The following GALNT17 variants were observed in gnomAD, a reference collection of about 807,000 sequenced individuals.
The protein encoded by GALNT17 is UDP-GalNAc:polypeptide N-acetylgalactosaminyltransferase-like 3.
Under a neutral mutation model 63.7 loss-of-function variants are expected in GALNT17, and 29 were observed. That is an observed-to-expected ratio of 0.46 (90% CI 0.34 to 0.62). The LOEUF (loss-of-function observed/expected upper bound fraction) is 0.62, where lower values mean the gene tolerates loss of function less well. Ranked by LOEUF, GALNT17 falls within the 20% of genes least tolerant of loss-of-function variation. The pLI is 0.01. For missense variants in GALNT17, 603 were observed against 799.6 expected, an observed-to-expected ratio of 0.75 and a Z score of 2.97; for synonymous variants, 305 against 318.3, an observed-to-expected ratio of 0.96 and a Z score of 0.45.
intron 1 of GALNT17, among the ~76,000 whole-genome samples, chr7:71,190,392 C>G (rs1309680501): frequency 1.3e-5 from 2 of 152,064 alleles, no homozygotes; most frequent in East Asian, 1.9e-4. Flanking sequence ...GCACCTCCCC[C>G]ACTGTCTCTC....
intron 5 of GALNT17, among the ~76,000 whole-genome samples, chr7:71,542,188 C>T (rs1389406381): frequency 6.6e-6 from 1 of 152,108 alleles, no homozygotes; most frequent in East Asian, 1.9e-4. Flanking sequence ...GAAGCAGCTG[C>T]AAACCTCCTT....
chr7:71,278,819 A>G (rs1030854180), intron 1 of GALNT17, among the ~76,000 whole-genome samples: 2 of 152,156 alleles, frequency 1.3e-5, no homozygotes, highest in African/African-American at 2.4e-5. Flanking sequence ...CTTGCACGAC[A>G]CATGGGAATT....
At chr7:71,282,913 T>C (rs1790803099) in intron 1 of GALNT17, among the ~76,000 whole-genome samples, 1 of 151,688 alleles carries the variant, frequency 6.6e-6, no homozygotes, top group African/African-American at 2.4e-5. Flanking sequence ...GGGTGAAGGC[T>C]CAAGAAAGGA....
chr7:71,575,451 G>A (rs547401629), intron 6 of GALNT17, among the ~76,000 whole-genome samples: 2 of 150,730 alleles, frequency 1.3e-5, no homozygotes, highest in African/African-American at 2.4e-5. Context: ...ATGCAGTGAC[G>A]CGATCTTGGC....
chr7:71,611,392 C>T (rs1192426029), intron 6 of GALNT17, among the ~76,000 whole-genome samples: 1 of 152,180 alleles, frequency 6.6e-6, no homozygotes, highest in East Asian at 1.9e-4. Context: ...AGTCATCATT[C>T]CCTCCATCCT....
rs1157638404 is a variant in GALNT17 at position 71,161,978 on chromosome 7, G to GCCCTTCCTCTTCTTTCCTTCTT, written c.238+28945_238+28966dup. Among the ~76,000 whole-genome samples the GCCCTTCCTCTTCTTTCCTTCTT allele has an allele frequency of 5.2e-3, 721 of 138,226 alleles. 9 individuals carry two copies. The highest frequency in any genetic ancestry group is 0.019 in the African/African-American group (676 of 36,472). 90.7% of individuals were successfully genotyped at this position (138,226 alleles called of 152,430 possible). ...CTTTTCTTTTTCTGTCTTCCCTTCTGCCCTTCCTCTTCTTTCCTTCTTCCC... is the reference window on the plus strand; with the variant it reads ...CTTTTCTTTTTCTGTCTTCCCTTCTGCCCTTCCTCTTCTTTCCTTCTTCCCTTCCTCTTCTTTCCTTCTTCCC... On this transcript the variant is annotated intron_variant, in intron 1 of 10. Transcript: ENST00000333538.
intron 1 of GALNT17, among the ~76,000 whole-genome samples, chr7:71,217,521 C>A (rs982919274): frequency 3.3e-5 from 5 of 151,960 alleles, no homozygotes; most frequent in African/African-American, 1.2e-4. Context: ...TTTCAAATAC[C>A]TTATATCATT....
chr7:71,605,331 T>C (rs1790029317), intron 6 of GALNT17, among the ~76,000 whole-genome samples: 1 of 152,096 alleles, frequency 6.6e-6, no homozygotes, highest in South Asian at 2.1e-4. Flanking sequence ...CTCACACCCA[T>C]AATCTCAGCA....
intron 5 of GALNT17, among the ~76,000 whole-genome samples, chr7:71,437,264 T>C (rs1425926709): frequency 6.6e-6 from 1 of 152,206 alleles, no homozygotes; most frequent in Non-Finnish European, 1.5e-5. Context: ...CTGGCTGCCT[T>C]CAGCCAAACT....
chr7:71,700,883 C>T (rs1202733091), intron 9 of GALNT17, among the ~76,000 whole-genome samples: 4 of 152,152 alleles, frequency 2.6e-5, no homozygotes, highest in African/African-American at 7.2e-5. Flanking sequence ...GTGAACACCT[C>T]GAAAGCAAGC....
At position 71,520,114 on chromosome 7, in the gene GALNT17, A is replaced by T. The variant is rs116726568; in HGVS notation, c.963-51171A>T. Among the ~76,000 whole-genome samples the T allele has an allele frequency of 3.2e-3, 491 of 152,280 alleles. 2 individuals are homozygous for T. Among genetic ancestry groups the T allele is most frequent in the African/African-American group, 0.011 (442 of 41,550 alleles). ...AAGGAGACCTCCATACAGATATGTA[A>T]TTGTAACACAGTGGGTTAGAATAGC... is the stretch of plus-strand genomic sequence containing the variant. On this transcript the variant is annotated intron_variant, in intron 5 of 10. Coordinates refer to ENST00000333538, the MANE Select transcript of GALNT17 (RefSeq NM_022479.3).
chr7:71,427,924 T>C (rs926224584), intron 5 of GALNT17, among the ~76,000 whole-genome samples: 4 of 152,086 alleles, frequency 2.6e-5, no homozygotes, highest in African/African-American at 9.7e-5. Context: ...TAATGCCTGA[T>C]CATCTGAGGT....
chr7:71,349,333 C>G (rs1482428791), intron 2 of GALNT17, among the ~76,000 whole-genome samples: 3 of 152,072 alleles, frequency 2.0e-5, no homozygotes, highest in Admixed American at 2.0e-4. Flanking sequence ...ATGGGAGAGC[C>G]ACGTGTGCGC....
At chr7:71,166,407 A>T (rs969402478) in intron 1 of GALNT17, among the ~76,000 whole-genome samples, 1 of 152,330 alleles carries the variant, frequency 6.6e-6, no homozygotes, top group South Asian at 2.1e-4. Context: ...ATAAGCTTTG[A>T]CATATGCATG....
At chr7:71,292,353 T>C (rs746362706) in intron 1 of GALNT17, among the ~76,000 whole-genome samples, 3 of 152,214 alleles carry the variant, frequency 2.0e-5, no homozygotes, top group Non-Finnish European at 4.4e-5. Flanking sequence ...CAAAAGTCTA[T>C]TAAGCATGTC....
At chr7:71,673,190 A>G (rs1020158323) in intron 8 of GALNT17, among the ~76,000 whole-genome samples, 1 of 152,204 alleles carries the variant, frequency 6.6e-6, no homozygotes, top group African/African-American at 2.4e-5. Context: ...TTCTCCACTC[A>G]TATCCCAAGC....
At chr7:71,169,722 A>G (rs1418446561) in intron 1 of GALNT17, among the ~76,000 whole-genome samples, 1 of 151,934 alleles carries the variant, frequency 6.6e-6, no homozygotes, top group Non-Finnish European at 1.5e-5. Context: ...CGCCTGGCTA[A>G]TTTTGCTATT....
In GALNT17 at chr7:71,274,506, C is replaced by T. The variant is rs1305398857; in HGVS notation, c.239-61044C>T. Among the ~76,000 whole-genome samples, 3 of 152,134 alleles carry T rather than the reference C, an allele frequency of 2.0e-5. No homozygotes were observed. The South Asian group carries it at 6.2e-4, about 31-fold the overall frequency. On this transcript the variant is annotated intron_variant, in intron 1 of 10. Coordinates refer to ENST00000333538, the MANE Select transcript of GALNT17 (RefSeq NM_022479.3). ...TGTTGCCCAGGCTAGTCTTGAAGTC[C>T]TGGCCTCAAGCAGTCCTTCTTCCAC...
intron 5 of GALNT17, among the ~76,000 whole-genome samples, chr7:71,526,010 G>T (rs1788618243): frequency 6.6e-6 from 1 of 152,058 alleles, no homozygotes; most frequent in Admixed American, 6.6e-5. Context: ...AAAGTGCTGG[G>T]ATTACAGGTG....
Sources: gnomAD v4.1 joint callset for allele counts (sites outside exome capture counted in the v4.1 genomes callset) on GRCh38, gnomAD v4.1.1 for gene constraint, MANE v1.5 for transcripts, NCBI Gene and HGNC (gene_info 2026-07-23, HGNC 2026-07-21) for gene names.